SLC71A2: variants seen among roughly 807,000 people sequenced by gnomAD.
SLC71A2 encodes the protein solute carrier family 71 member 2.
the SLC71A2 span, among the ~76,000 whole-genome samples, chr9:94,416,829 G>A: frequency 6.7e-6 from 1 of 148,266 alleles, no homozygotes; most frequent in Non-Finnish European, 1.5e-5. Flanking sequence ...ATTCCAGCTT[G>A]GACAACAAAA....
chr9:94,459,573 T>TTTTTTTTTCCTCCTG, the SLC71A2 span: 1 of 41,874 alleles, frequency 2.4e-5, no homozygotes, highest in Non-Finnish European at 3.4e-5. Flanking sequence ...CCTCCTCCTG[T>TTTTTTTTTCCTCCTG]TTTTTTTTTT....
the SLC71A2 span, chr9:94,451,602 AT>A: frequency 1.3e-6 from 1 of 759,206 alleles, no homozygotes; most frequent in South Asian, 2.1e-5. Flanking sequence ...GAAGCCACAT[AT>A]AAAAATGCAG....
chr9:94,403,481 C>G, the SLC71A2 span, among the ~76,000 whole-genome samples: 1 of 151,694 alleles, frequency 6.6e-6, no homozygotes, highest in African/African-American at 2.4e-5. Context: ...TAATGTTCAT[C>G]CATGTTGTGA....
the SLC71A2 span, among the ~76,000 whole-genome samples, chr9:94,416,339 AC>A: frequency 6.6e-6 from 1 of 151,854 alleles, no homozygotes; most frequent in Non-Finnish European, 1.5e-5. Flanking sequence ...ACATAGCAAG[AC>A]CCCATCTCTA....
the SLC71A2 span, among the ~76,000 whole-genome samples, chr9:94,428,589 T>TCCC: frequency 8.7e-6 from 1 of 114,354 alleles, no homozygotes; most frequent in African/African-American, 3.9e-5. Context: ...TACATATGCA[T>TCCC]ACCCCCCCCC....
chr9:94,385,882 C>CT, the SLC71A2 span, among the ~76,000 whole-genome samples: 2 of 151,924 alleles, frequency 1.3e-5, no homozygotes, highest in African/African-American at 2.4e-5. Context: ...TAAGGACCTC[C>CT]TTTTTTTTCT....
the SLC71A2 span, among the ~76,000 whole-genome samples, chr9:94,428,175 T>C: frequency 6.6e-6 from 1 of 151,962 alleles, no homozygotes; most frequent in African/African-American, 2.4e-5. Context: ...AAATACGTTT[T>C]TGTTTTGCAT....
At chr9:94,428,824 TC>T in the SLC71A2 span, among the ~76,000 whole-genome samples, 1 of 151,820 alleles carries the variant, frequency 6.6e-6, no homozygotes, top group Admixed American at 6.6e-5. Context: ...TGCCTATTCA[TC>T]CCTCCCTCCT....
chr9:94,441,349 A>G, the SLC71A2 span, among the ~76,000 whole-genome samples: 1 of 152,168 alleles, frequency 6.6e-6, no homozygotes, highest in Admixed American at 6.5e-5. Flanking sequence ...GCAGAGCCAG[A>G]GCAGGCATCT....
At chr9:94,431,621 A>G in the SLC71A2 span, among the ~76,000 whole-genome samples, 1 of 152,026 alleles carries the variant, frequency 6.6e-6, no homozygotes, top group Non-Finnish European at 1.5e-5. Context: ...ACCAAAGGCT[A>G]CTGAGAACAC....
At chr9:94,426,913 C>T in the SLC71A2 span, among the ~76,000 whole-genome samples, 1 of 152,174 alleles carries the variant, frequency 6.6e-6, no homozygotes, top group Non-Finnish European at 1.5e-5. Context: ...TAGCTCACTG[C>T]AGACTTGATC....
chr9:94,390,996 G>C, the SLC71A2 span, among the ~76,000 whole-genome samples: 1 of 151,890 alleles, frequency 6.6e-6, no homozygotes, highest in African/African-American at 2.4e-5. Flanking sequence ...TGCAGTGCCT[G>C]AGTGTGGAGA....
chr9:94,387,081 C>T, the SLC71A2 span, among the ~76,000 whole-genome samples: 31 of 152,138 alleles, frequency 2.0e-4, no homozygotes, highest in East Asian at 2.1e-3. Context: ...TCTTTCCTTT[C>T]GCATCAGCCC....
chr9:94,403,872 G>T, the SLC71A2 span, among the ~76,000 whole-genome samples: 1 of 152,180 alleles, frequency 6.6e-6, no homozygotes, highest in Non-Finnish European at 1.5e-5. Flanking sequence ...GCTGTAGTCT[G>T]AATGTGTCTC....
the SLC71A2 span, among the ~76,000 whole-genome samples, chr9:94,452,391 G>A: frequency 3.3e-5 from 5 of 151,946 alleles, no homozygotes; most frequent in East Asian, 1.9e-4. Flanking sequence ...GAGGTCAGGC[G>A]TTCCAGACCA....
the SLC71A2 span, chr9:94,440,928 A>G: frequency 9.9e-7 from 1 of 1,010,526 alleles, no homozygotes; most frequent in African/African-American, 1.6e-5. Flanking sequence ...TGGCTCAGGT[A>G]ATGAAAGTGA....
the SLC71A2 span, among the ~76,000 whole-genome samples, chr9:94,457,900 C>T: frequency 6.6e-6 from 1 of 151,896 alleles, no homozygotes; most frequent in African/African-American, 2.4e-5. Context: ...GTGTAGGTCT[C>T]TAGGGAGATA....
the SLC71A2 span, among the ~76,000 whole-genome samples, chr9:94,452,956 T>C: frequency 1.3e-5 from 2 of 151,850 alleles, no homozygotes; most frequent in South Asian, 4.1e-4. Context: ...AGCATTCTTC[T>C]GTGGTAACCT....
chr9:94,406,249 A>AT, the SLC71A2 span, among the ~76,000 whole-genome samples: 1,182 of 150,692 alleles, frequency 7.8e-3, 17 homozygotes, highest in African/African-American at 0.028. Context: ...TTTGATTATT[A>AT]TTATTTTTTG....
Sources: gnomAD v4.1 joint callset for allele counts (sites outside exome capture counted in the v4.1 genomes callset) on GRCh38, gnomAD v4.1.1 for gene constraint, MANE v1.5 for transcripts, NCBI Gene and HGNC (gene_info 2026-07-23, HGNC 2026-07-21) for gene names.